WNK1: variants seen among roughly 807,000 people sequenced by gnomAD.
The protein encoded by WNK1 is WNK lysine deficient protein kinase 1.
WNK1 carries 38 observed loss-of-function variants against 222.8 expected under a neutral mutation model. The observed-to-expected ratio is 0.17, with a 90% CI of 0.13 to 0.22. The LOEUF (loss-of-function observed/expected upper bound fraction) is 0.22. WNK1 is among the 10% of genes least tolerant of loss of function. The probability of loss-of-function intolerance (pLI) is 1.00; values close to 1 mark genes in which losing one functional copy is unlikely to be tolerated. For synonymous variants in WNK1, 1,090 were observed against 1,092.9 expected, an observed-to-expected ratio of 1.00 and a Z score of 0.05; for missense variants, 2,348 against 2,918.4, an observed-to-expected ratio of 0.80 and a Z score of 4.50.
chr12:887,161 C>A, intron 19 of WNK1, 60 bp from the exon 20 acceptor site: 1 of 1,428,776 alleles, frequency 7.0e-7, no homozygotes, highest in Non-Finnish European at 9.9e-7. Context: ...ATTTGCTCTT[C>A]AGTACGCAGT....
In WNK1 at chr12:907,850, C is replaced by T. The variant is rs1406234512; in HGVS notation, c.6647C>T (p.Thr2216Ile). ...CGTATTCTGTTGCTTATAATAGGAA[C>T]CAGCAGCACAAACACTGTTGGGGCA... The part of the protein sequence containing the change: ...VPSLSAPGQG[T>I]SSTNTVGATV... The change falls in exon 27 of 28, where the codon ACC becomes ATC. Residue 2216 changes from threonine (T) to isoleucine (I), a missense_variant. Thr to Ile is a moderately conservative substitution (Grantham distance 89). Around this residue, in one of 13 missense-constraint regions of WNK1, gnomAD observed 1,144 missense variants for 1,273.6 expected, o/e 0.90. Transcript: ENST00000315939. 1 of 1,613,564 alleles carries T rather than the reference C, an allele frequency of 6.2e-7. No homozygotes were observed. The highest frequency in any genetic ancestry group is 8.5e-7 in the Non-Finnish European group (1 of 1,180,020).
At chr12:902,128 A>C (rs981619361) in intron 26 of WNK1, among the ~76,000 whole-genome samples, 15 of 150,418 alleles carry the variant, frequency 1.0e-4, no homozygotes, top group African/African-American at 3.7e-4. Context: ...GTGATACCCC[A>C]TCTCTAAAAA....
At position 823,975 on chromosome 12, in the gene WNK1, C is replaced by T. The variant is rs568275906; in HGVS notation, c.933-3067C>T. On this transcript the variant is annotated intron_variant, in intron 2 of 27. Coordinates refer to ENST00000315939, the MANE Select transcript of WNK1 (RefSeq NM_018979.4). ...AGGGCGGAGTGCAGTGGCGTGATCT[C>T]GGCTAACTGCAACCTCTGCCTCCCG... is the stretch of plus-strand genomic sequence containing the variant. Among the ~76,000 whole-genome samples, 11 of 145,226 alleles carry T rather than the reference C, an allele frequency of 7.6e-5. No individual in the cohort carries two copies. The South Asian group carries it at 2.0e-3, about 26-fold the overall frequency.
At chr12:860,331 T>C (rs1000284963) in intron 6 of WNK1, among the ~76,000 whole-genome samples, 1 of 152,218 alleles carries the variant, frequency 6.6e-6, no homozygotes, top group South Asian at 2.1e-4. Flanking sequence ...ATTTGAAGTA[T>C]GTCTAAAAGA....
At chr12:819,416 G>A (rs1947654898) in intron 2 of WNK1, among the ~76,000 whole-genome samples, 1 of 152,110 alleles carries the variant, frequency 6.6e-6, no homozygotes, top group South Asian at 2.1e-4. Flanking sequence ...ATACTTACCA[G>A]TTAAGCCTCC....
chr12:830,196 C>A (rs928279562), intron 4 of WNK1, 36 bp downstream of exon 4: 2 of 1,609,362 alleles, frequency 1.2e-6, no homozygotes, highest in Non-Finnish European at 1.7e-6. Flanking sequence ...GAACTTGGGG[C>A]ATATCTAACA....
chr12:863,350 A>G (rs954140130), intron 8 of WNK1, among the ~76,000 whole-genome samples: 1 of 152,160 alleles, frequency 6.6e-6, no homozygotes, highest in African/African-American at 2.4e-5. Context: ...CCACAGTAAC[A>G]CAAATAAAAA....
At chr12:764,043 C>A (rs1941372452) in intron 1 of WNK1, among the ~76,000 whole-genome samples, 1 of 146,574 alleles carries the variant, frequency 6.8e-6, no homozygotes, top group African/African-American at 2.5e-5. Context: ...AAGACTAGGT[C>A]TGAGATGAAG....
chr12:807,825 T>C (rs1386093806), intron 1 of WNK1, among the ~76,000 whole-genome samples: 2 of 146,346 alleles, frequency 1.4e-5, no homozygotes, highest in Admixed American at 1.4e-4. Flanking sequence ...GTTCACGCCA[T>C]TCTCCGGCCT....
chr12:908,941 T>C lies in WNK1; in HGVS notation c.*149T>C. ...GAGGGGAATGTTTTTAATACTGCAT[T>C]GAGCCCTCAGAATGGAGAGTCTCCC... On this transcript the variant is annotated 3_prime_UTR_variant, in exon 28 of 28. Coordinates refer to ENST00000315939, the MANE Select transcript of WNK1 (RefSeq NM_018979.4). The C allele has an allele frequency of 2.3e-6, 2 of 887,920 alleles. No individual in the cohort carries two copies. The highest frequency in any genetic ancestry group is 3.5e-6 in the Non-Finnish European group (2 of 574,130). 55.0% of individuals were successfully genotyped at this position (887,920 alleles called of 1,614,324 possible).
At chr12:788,119 A>T (rs1944488596) in intron 1 of WNK1, among the ~76,000 whole-genome samples, 1 of 152,086 alleles carries the variant, frequency 6.6e-6, no homozygotes. Context: ...AGACCCAACC[A>T]CATAATTGAG....
intron 8 of WNK1, among the ~76,000 whole-genome samples, chr12:862,887 A>G (rs1393299900): frequency 6.6e-6 from 1 of 152,006 alleles, no homozygotes; most frequent in Non-Finnish European, 1.5e-5. Flanking sequence ...TTACTGATTT[A>G]TTTTCAGAAT....
At chr12:877,687 G>C (rs759098101) in intron 9 of WNK1, among the ~76,000 whole-genome samples, 1 of 152,104 alleles carries the variant, frequency 6.6e-6, no homozygotes, top group Non-Finnish European at 1.5e-5. Context: ...GCTAAAATTT[G>C]AAAATGTCTG....
chr12:832,014 T>C (rs1364430002), intron 4 of WNK1, among the ~76,000 whole-genome samples: 1 of 152,172 alleles, frequency 6.6e-6, no homozygotes, highest in African/African-American at 2.4e-5. Flanking sequence ...GATGTAATTA[T>C]CAATTGCTTA....
chr12:832,382 A>C (rs1371272282), intron 4 of WNK1, among the ~76,000 whole-genome samples: 4 of 152,164 alleles, frequency 2.6e-5, no homozygotes, highest in Non-Finnish European at 5.9e-5. Flanking sequence ...ATTATTAAAA[A>C]CTGATAGGAA....
At chr12:868,088 G>C in intron 8 of WNK1, 3 of 1,613,976 alleles carry the variant, frequency 1.9e-6, no homozygotes, top group Non-Finnish European at 2.5e-6. Context: ...TCTTCCACCT[G>C]GTGGCAGCCC....
intron 26 of WNK1, among the ~76,000 whole-genome samples, chr12:905,117 TA>T (rs1432882274): frequency 6.6e-6 from 1 of 152,174 alleles, no homozygotes; most frequent in Non-Finnish European, 1.5e-5. Context: ...GGAGGAAATT[TA>T]AAAATGAATC....
intron 2 of WNK1, among the ~76,000 whole-genome samples, chr12:819,661 T>C (rs1207919875): frequency 6.6e-6 from 1 of 152,218 alleles, no homozygotes; most frequent in African/African-American, 2.4e-5. Context: ...GGCATACAGA[T>C]GTATCCCTAA....
chr12:820,912 G>A (rs185059855), intron 2 of WNK1, among the ~76,000 whole-genome samples: 265 of 152,112 alleles, frequency 1.7e-3, no homozygotes, highest in Admixed American at 3.1e-3. Context: ...GATTATCCTT[G>A]TCATATTACT....
Sources: allele counts gnomAD v4.1 joint callset (sites outside exome capture counted in the v4.1 genomes callset), GRCh38; gene constraint gnomAD v4.1.1; regional missense constraint gnomAD v4.1.1; transcripts MANE v1.5; gene names NCBI Gene and HGNC (gene_info 2026-07-23, HGNC 2026-07-21).